RBFOX1: variants seen among roughly 807,000 people sequenced by gnomAD.
RBFOX1 encodes the protein RNA binding fox-1 homolog 1, also known as RNA binding protein fox-1 homolog 1.
Under a neutral mutation model 57.7 loss-of-function variants are expected in RBFOX1, and 8 were observed. The observed-to-expected ratio is 0.14, with a 90% CI of 0.08 to 0.25. The LOEUF (loss-of-function observed/expected upper bound fraction) is 0.25, where lower values mean the gene tolerates loss of function less well. RBFOX1 is among the 10% of genes least tolerant of loss of function. The pLI is 1.00. For missense variants in RBFOX1, 611 were observed against 548.5 expected (o/e 1.11, Z -1.14); for synonymous variants, 326 against 222.4 (o/e 1.47, Z -4.15).
In RBFOX1 at chr16:5,253,453, G is replaced by T. The variant is rs371035594; in HGVS notation, c.219+13348G>T. 6.7e-4 allele frequency among the ~76,000 whole-genome samples: 102 copies of T among 152,148 alleles called. 4 individuals carry two copies. In the South Asian group the frequency reaches 0.014, roughly 21 times the overall value. Reference sequence around the variant, plus strand: ...AGGCGTGAGCCACCATGCCTGGCTGGAATTCTGTGTCATTCTGGATACTTA... The same window carrying T: ...AGGCGTGAGCCACCATGCCTGGCTGTAATTCTGTGTCATTCTGGATACTTA... On this transcript the variant is annotated intron_variant, in intron 1 of 2. Coordinates refer to the RBFOX1 transcript ENST00000585867.
At chr16:6,254,045 C>T (rs778729330) in intron 1 of RBFOX1, among the ~76,000 whole-genome samples, 1 of 152,136 alleles carries the variant, frequency 6.6e-6, no homozygotes, top group Non-Finnish European at 1.5e-5. Flanking sequence ...TCTGATACAG[C>T]CTGTGTGACA....
At chr16:7,303,281 C>T (rs1012958916) in intron 4 of RBFOX1, among the ~76,000 whole-genome samples, 1 of 152,214 alleles carries the variant, frequency 6.6e-6, no homozygotes, top group Non-Finnish European at 1.5e-5. Flanking sequence ...TGCTGGGGGG[C>T]GCAGAAACCT....
intron 3 of RBFOX1, among the ~76,000 whole-genome samples, chr16:6,710,293 T>C (rs186205516): frequency 6.6e-6 from 1 of 152,316 alleles, no homozygotes; most frequent in East Asian, 1.9e-4. Flanking sequence ...TAAAGCTGCA[T>C]ATGTACTTTT....
chr16:6,521,933 A>G (rs1010316603), intron 2 of RBFOX1, among the ~76,000 whole-genome samples: 1 of 152,114 alleles, frequency 6.6e-6, no homozygotes, highest in Non-Finnish European at 1.5e-5. Context: ...GAAGGGGAAT[A>G]CTTCTTTTGC....
intron 2 of RBFOX1, among the ~76,000 whole-genome samples, chr16:6,435,606 T>C (rs1438499998): frequency 6.6e-6 from 1 of 152,150 alleles, no homozygotes; most frequent in Non-Finnish European, 1.5e-5. Context: ...GCCTGGCCAG[T>C]ATTCGTTTTA....
intron 3 of RBFOX1, among the ~76,000 whole-genome samples, chr16:5,735,751 G>T (rs1013055236): frequency 5.3e-5 from 8 of 151,974 alleles, no homozygotes; most frequent in Admixed American, 6.6e-5. Flanking sequence ...GTGGTGGGCG[G>T]CTGTAATCCT....
chr16:7,408,793 T>A (rs1225886874), intron 4 of RBFOX1, among the ~76,000 whole-genome samples: 2 of 152,128 alleles, frequency 1.3e-5, no homozygotes, highest in Non-Finnish European at 2.9e-5. Context: ...CTCCTTGTTG[T>A]GTTGTTACTA....
intron 1 of RBFOX1, among the ~76,000 whole-genome samples, chr16:6,187,441 T>C (rs2097112234): frequency 6.6e-6 from 1 of 152,086 alleles, no homozygotes; most frequent in Non-Finnish European, 1.5e-5. Flanking sequence ...AGATTGGGAA[T>C]TTAGGCGGAA....
chr16:5,696,033 G>A (rs1214789079), intron 3 of RBFOX1, among the ~76,000 whole-genome samples: 1 of 152,198 alleles, frequency 6.6e-6, no homozygotes, highest in Non-Finnish European at 1.5e-5. Context: ...CACGGTTTTA[G>A]ATTTGAATAC....
At chr16:7,529,521 G>A (rs746435294) in intron 5 of RBFOX1, among the ~76,000 whole-genome samples, 3 of 152,118 alleles carry the variant, frequency 2.0e-5, no homozygotes, top group African/African-American at 2.4e-5. Context: ...TGCTATTTTG[G>A]ATTGTTAAAC....
intron 1 of RBFOX1, among the ~76,000 whole-genome samples, chr16:6,029,497 G>T (rs1026016075): frequency 2.6e-5 from 4 of 152,184 alleles, no homozygotes; most frequent in African/African-American, 9.7e-5. Flanking sequence ...AACATGGCCG[G>T]GCGTGGTGGC....
At chr16:5,944,504 G>A (rs1263593942) in intron 4 of RBFOX1, among the ~76,000 whole-genome samples, 1 of 152,108 alleles carries the variant, frequency 6.6e-6, no homozygotes, top group Non-Finnish European at 1.5e-5. Flanking sequence ...GAGAAAGCAA[G>A]GCTTTGTATT....
chr16:7,199,409 C>T (rs2087692759), intron 4 of RBFOX1, among the ~76,000 whole-genome samples: 1 of 151,900 alleles, frequency 6.6e-6, no homozygotes, highest in African/African-American at 2.4e-5. Context: ...CCAAATAGGC[C>T]CTGAATCATG....
At chr16:7,416,640 T>C (rs1171827333) in intron 4 of RBFOX1, among the ~76,000 whole-genome samples, 3 of 152,180 alleles carry the variant, frequency 2.0e-5, no homozygotes, top group East Asian at 3.8e-4. Flanking sequence ...TTCCCAGTCA[T>C]TGAAAACCAG....
At chr16:6,390,966 C>G (rs1044994767) in intron 2 of RBFOX1, among the ~76,000 whole-genome samples, 93 of 152,268 alleles carry the variant, frequency 6.1e-4, no homozygotes, top group African/African-American at 2.1e-3. Context: ...GGAGAATGCT[C>G]TTTGGTGAGG....
At chr16:5,290,946 C>G (rs748772872) in intron 1 of RBFOX1, among the ~76,000 whole-genome samples, 1 of 152,126 alleles carries the variant, frequency 6.6e-6, no homozygotes, top group Non-Finnish European at 1.5e-5. Context: ...GTGATGCACC[C>G]GCCTCAGCTT....
intron 1 of RBFOX1, among the ~76,000 whole-genome samples, chr16:6,096,627 C>G (rs1011237538): frequency 3.9e-5 from 6 of 152,156 alleles, no homozygotes; most frequent in African/African-American, 9.7e-5. Context: ...CCAACACTTT[C>G]TTTTCATTGG....
At chr16:7,614,219 G>T (rs770781034) in intron 10 of RBFOX1, 1 of 152,196 alleles carries the variant, frequency 6.6e-6, no homozygotes, top group South Asian at 2.1e-4. Flanking sequence ...ACTGGAACAG[G>T]AGAGTCCAGA....
intron 3 of RBFOX1, among the ~76,000 whole-genome samples, chr16:7,015,949 A>T (rs75137950): frequency 6.6e-6 from 1 of 152,288 alleles, no homozygotes; most frequent in East Asian, 1.9e-4. Flanking sequence ...CAGTTAATTC[A>T]TCATTTACCC....
Sources: allele counts gnomAD v4.1 joint callset (sites outside exome capture counted in the v4.1 genomes callset), GRCh38; gene constraint gnomAD v4.1.1; transcripts MANE v1.5; gene names NCBI Gene and HGNC (gene_info 2026-07-23, HGNC 2026-07-21).